The following SEMA3C variants were observed in gnomAD, a reference collection of about 807,000 sequenced individuals.
SEMA3C encodes the protein semaphorin-3C.
In SEMA3C, 47 loss-of-function variants were observed where a neutral mutation model predicts 89.4. That is an observed-to-expected ratio of 0.53 (90% CI 0.42 to 0.67). The LOEUF is 0.67. SEMA3C is among the 30% of genes least tolerant of loss of function. The probability of loss-of-function intolerance (pLI) is 0.00; values close to 1 mark genes in which losing one functional copy is unlikely to be tolerated. For synonymous variants in SEMA3C, 310 were observed against 320.2 expected (o/e 0.97, Z 0.34); for missense variants, 839 against 929.1 (o/e 0.90, Z 1.26).
intron 2 of SEMA3C, among the ~76,000 whole-genome samples, chr7:80,886,526 G>GT (rs939262101): frequency 2.8e-4 from 43 of 151,856 alleles, no homozygotes; most frequent in Admixed American, 2.7e-3. Flanking sequence ...GCTAATTTTT[G>GT]TATTTTTAGT....
intron 16 of SEMA3C, among the ~76,000 whole-genome samples, chr7:80,750,469 TATATACACAC>T (rs1277205660): frequency 3.2e-3 from 159 of 50,192 alleles, no homozygotes; most frequent in South Asian, 0.011. Flanking sequence ...TATATATATA[TATATACACAC>T]ACACACACAC....
intron 2 of SEMA3C, among the ~76,000 whole-genome samples, chr7:80,883,966 G>A (rs970730794): frequency 1.3e-5 from 2 of 152,170 alleles, no homozygotes; most frequent in Non-Finnish European, 2.9e-5. Flanking sequence ...CCAAGAGGTC[G>A]TTTCCTAACA....
chr7:80,883,868 C>T (rs1040537622), intron 2 of SEMA3C, among the ~76,000 whole-genome samples: 7 of 152,198 alleles, frequency 4.6e-5, no homozygotes, highest in South Asian at 2.1e-4. Context: ...AGAATCATTG[C>T]TCAACTTTCA....
At chr7:80,846,179 T>C (rs1368082200) in intron 2 of SEMA3C, among the ~76,000 whole-genome samples, 2 of 152,190 alleles carry the variant, frequency 1.3e-5, no homozygotes, top group South Asian at 2.1e-4. Context: ...ACACAGCCCT[T>C]CATGACCTGA....
chr7:80,771,738 C>A (rs1046083237), intron 12 of SEMA3C, among the ~76,000 whole-genome samples: 1 of 152,096 alleles, frequency 6.6e-6, no homozygotes, highest in Non-Finnish European at 1.5e-5. Context: ...CTTTCCCCTG[C>A]GCTTCTGAGG....
rs548884667 is a variant in SEMA3C, at chr7:80,892,614, A to AT, written c.103+24064dup. 6.3e-4 allele frequency among the ~76,000 whole-genome samples: 96 copies of AT among 152,200 alleles called. 2 individuals are homozygous for AT. The South Asian group carries it at 0.02, about 31-fold the overall frequency. ...TAACAGACACTATAGAAAAGCTGAT[A>AT]TTTTTTTCCGTTGAAGTTAGGACAT... On this transcript the variant is annotated intron_variant, in intron 2 of 17. Coordinates refer to ENST00000265361, the MANE Select transcript of SEMA3C (RefSeq NM_006379.5).
At chr7:80,801,489 A>G (rs1191340662) in intron 9 of SEMA3C, among the ~76,000 whole-genome samples, 1 of 152,106 alleles carries the variant, frequency 6.6e-6, no homozygotes, top group Non-Finnish European at 1.5e-5. Flanking sequence ...ATGAAAGTAG[A>G]TTTCTGATAG....
At chr7:80,750,473 T>TACATACAC (rs1787907346) in intron 16 of SEMA3C, among the ~76,000 whole-genome samples, 1 of 55,436 alleles carries the variant, frequency 1.8e-5, no homozygotes, top group East Asian at 4.6e-4. Context: ...TATATATATA[T>TACATACAC]ACACACACAC....
intron 5 of SEMA3C, among the ~76,000 whole-genome samples, chr7:80,812,436 A>C (rs2115725516): frequency 6.6e-6 from 1 of 152,322 alleles, no homozygotes; most frequent in African/African-American, 2.4e-5. Context: ...GTAACCACTA[A>C]ACTAAATCAA....
intron 11 of SEMA3C, among the ~76,000 whole-genome samples, chr7:80,797,256 A>T (rs1232708286): frequency 1.3e-5 from 2 of 152,278 alleles, no homozygotes; most frequent in Non-Finnish European, 1.5e-5. Context: ...AAAACTAATC[A>T]ACATTCTAGA....
At chr7:80,829,272 C>T (rs1789955031) in intron 2 of SEMA3C, among the ~76,000 whole-genome samples, 1 of 152,050 alleles carries the variant, frequency 6.6e-6, no homozygotes, top group East Asian at 1.9e-4. Flanking sequence ...TATGTGATTA[C>T]AAAATCAGTC....
intron 2 of SEMA3C, among the ~76,000 whole-genome samples, chr7:80,863,624 A>C (rs1383819392): frequency 6.6e-6 from 1 of 151,176 alleles, no homozygotes; most frequent in Non-Finnish European, 1.5e-5. Context: ...TCGTCAATCA[A>C]CGAGTAGATA....
chr7:80,793,423 A>T, intron 11 of SEMA3C: 1 of 416,096 alleles, frequency 2.4e-6, no homozygotes. Flanking sequence ...ATTTTATCCA[A>T]AAAGCACTTT....
chr7:80,908,625 T>C (rs1037787946), intron 2 of SEMA3C, among the ~76,000 whole-genome samples: 4 of 152,142 alleles, frequency 2.6e-5, no homozygotes, highest in African/African-American at 9.7e-5. Context: ...ATGTGCCCCA[T>C]TGACTCCCTT....
intron 4 of SEMA3C, among the ~76,000 whole-genome samples, chr7:80,825,410 G>C (rs1789848932): frequency 6.6e-6 from 1 of 152,108 alleles, no homozygotes; most frequent in African/African-American, 2.4e-5. Flanking sequence ...TGTATAACTG[G>C]CCATATAGTA....
At chr7:80,853,130 C>T (rs1226887631) in intron 2 of SEMA3C, among the ~76,000 whole-genome samples, 1 of 152,000 alleles carries the variant, frequency 6.6e-6, no homozygotes, top group African/African-American at 2.4e-5. Context: ...CGAATGCTGG[C>T]GAGGATGTGG....
At chr7:80,751,623 T>A (rs1481531729) in intron 15 of SEMA3C, among the ~76,000 whole-genome samples, 1 of 152,176 alleles carries the variant, frequency 6.6e-6, no homozygotes, top group African/African-American at 2.4e-5. Flanking sequence ...GAGTAAATGC[T>A]ACCTTCTCTA....
At chr7:80,847,615 C>T (rs375997576) in intron 2 of SEMA3C, among the ~76,000 whole-genome samples, 2 of 151,982 alleles carry the variant, frequency 1.3e-5, no homozygotes, top group African/African-American at 2.4e-5. Context: ...GTAACAAACT[C>T]GCTTGGCATC....
intron 9 of SEMA3C, among the ~76,000 whole-genome samples, chr7:80,801,642 G>C (rs1789210676): frequency 6.6e-6 from 1 of 151,688 alleles, no homozygotes; most frequent in South Asian, 2.1e-4. Flanking sequence ...GACCTCATAA[G>C]CAATAAATTT....
Sources: gnomAD v4.1 joint callset for allele counts (sites outside exome capture counted in the v4.1 genomes callset) on GRCh38, gnomAD v4.1.1 for gene constraint, MANE v1.5 for transcripts, NCBI Gene and HGNC (gene_info 2026-07-23, HGNC 2026-07-21) for gene names.